The following PVT1 variants were observed in gnomAD, a reference collection of about 807,000 sequenced individuals.
PVT1 encodes the protein Pvt1 oncogene, also known as CXCR4/PVT1 fusion.
chr8:128,054,661 C>A (rs977187159), intron 4 of PVT1, among the ~76,000 whole-genome samples: 3 of 152,076 alleles, frequency 2.0e-5, no homozygotes, highest in Non-Finnish European at 4.4e-5. Context: ...GATTTGGGCA[C>A]TCCATGTTTA....
intron 6 of PVT1, among the ~76,000 whole-genome samples, chr8:128,099,024 T>C (rs185616553): frequency 4.6e-5 from 7 of 152,230 alleles, no homozygotes; most frequent in Admixed American, 1.3e-4. Flanking sequence ...CCTTACTACA[T>C]GTTCATTACT....
chr8:128,080,180 A>G (rs763082401), intron 5 of PVT1, among the ~76,000 whole-genome samples: 90 of 152,314 alleles, frequency 5.9e-4, no homozygotes, highest in Admixed American at 1.4e-3. Flanking sequence ...GCAATTATGC[A>G]TAAAGCTGCT....
chr8:127,883,032 CACTT>C (rs1351018710), intron 2 of PVT1, among the ~76,000 whole-genome samples: 1 of 149,622 alleles, frequency 6.7e-6, no homozygotes, highest in Non-Finnish European at 1.5e-5. Context: ...TGCACACACA[CACTT>C]GCACGCACAC....
Position 127,830,639 on chromosome 8 carries a change from G to A in PVT1, n.372+34568G>A, listed in dbSNP as rs952766513. Among the ~76,000 whole-genome samples, 6 of 152,204 alleles carry A rather than the reference G, an allele frequency of 3.9e-5. 1 individual carries two copies. The South Asian group carries it at 8.4e-4, about 21-fold the overall frequency. On this transcript the variant is annotated intron_variant and non_coding_transcript_variant, in intron 2 of 10. Coordinates refer to ENST00000651587, the Ensembl canonical transcript of PVT1. ...TTCATGCCTACTATAGTCCTAGCAC[G>A]TTGCGGGGCTGTGATGGTTAATACT...
At chr8:127,970,289 G>GT (rs68010926) in intron 3 of PVT1, among the ~76,000 whole-genome samples, 1,114 of 49,030 alleles carry the variant, frequency 0.023, 354 homozygotes, top group African/African-American at 0.033. Flanking sequence ...GCCATGATTT[G>GT]TTTTTTTTTT....
In PVT1 at chr8:128,046,744, C is replaced by G. The variant is rs151077287; in HGVS notation, n.913-23416C>G. Among the ~76,000 whole-genome samples, 307 of 152,344 alleles carry G rather than the reference C, an allele frequency of 2.0e-3. 3 individuals carry two copies. Among genetic ancestry groups the G allele is most frequent in the Non-Finnish European group, 3.6e-3 (247 of 68,028 alleles). On this transcript the variant is annotated intron_variant and non_coding_transcript_variant, in intron 4 of 10. Coordinates refer to ENST00000651587, the Ensembl canonical transcript of PVT1. The stretch of plus-strand genomic sequence containing the variant: ...ACCATCTGAAGGTCCTCTCCCTTTT[C>G]TCTGTCTTCTAAATGTTCACTCTTC...
chr8:127,957,566 C>CAAAAAAAAAAAA (rs56796489), intron 3 of PVT1, among the ~76,000 whole-genome samples: 2 of 91,782 alleles, frequency 2.2e-5, no homozygotes, highest in Non-Finnish European at 2.2e-5. Flanking sequence ...GACTCCGTCT[C>CAAAAAAAAAAAA]AAAAAAAAAA....
chr8:128,028,519 G>T (rs150093933), intron 4 of PVT1, among the ~76,000 whole-genome samples: 3 of 152,370 alleles, frequency 2.0e-5, no homozygotes, highest in African/African-American at 7.2e-5. Context: ...GGAGAGGCAG[G>T]ACTGGGCAAA....
chr8:127,979,644 G>A (rs1816861182), intron 3 of PVT1, among the ~76,000 whole-genome samples: 2 of 152,206 alleles, frequency 1.3e-5, no homozygotes, highest in African/African-American at 2.4e-5. Context: ...TGCCAGAGGA[G>A]CCTGGGAGCT....
chr8:127,868,233 A>G (rs866662170), intron 2 of PVT1, among the ~76,000 whole-genome samples: 1 of 152,132 alleles, frequency 6.6e-6, no homozygotes, highest in African/African-American at 2.4e-5. Flanking sequence ...TCTGAGCTAT[A>G]AGGCCTCAGG....
chr8:127,894,860 G>T (rs988566291), intron 3 of PVT1, among the ~76,000 whole-genome samples: 1 of 152,218 alleles, frequency 6.6e-6, no homozygotes, highest in African/African-American at 2.4e-5. Context: ...TTGAGTAGTA[G>T]CTCTGTGTCA....
At chr8:127,990,193 T>G (rs1817016954) in intron 4 of PVT1, among the ~76,000 whole-genome samples, 1 of 151,706 alleles carries the variant, frequency 6.6e-6, no homozygotes, top group South Asian at 2.1e-4. Context: ...CAAAGCAGAG[T>G]TGATTCCCCC....
intron 3 of PVT1, chr8:127,948,233 C>T: frequency 6.2e-6 from 2 of 322,750 alleles, no homozygotes; most frequent in Admixed American, 4.2e-5. Context: ...TGAAAAGCAG[C>T]TGCTGAGTGG....
At chr8:127,873,810 G>A (rs1815377304) in intron 2 of PVT1, among the ~76,000 whole-genome samples, 1 of 152,172 alleles carries the variant, frequency 6.6e-6, no homozygotes, top group Admixed American at 6.6e-5. Flanking sequence ...ATGATTCTGT[G>A]TTGTCCATTT....
At chr8:128,012,030 A>AT (rs1817320150) in intron 4 of PVT1, among the ~76,000 whole-genome samples, 1 of 152,218 alleles carries the variant, frequency 6.6e-6, no homozygotes, top group African/African-American at 2.4e-5. Context: ...GCTCACAGTG[A>AT]ATCATTACAA....
intron 4 of PVT1, among the ~76,000 whole-genome samples, chr8:128,041,032 G>T (rs201417452): frequency 1.3e-5 from 1 of 78,460 alleles, no homozygotes; most frequent in East Asian, 7.4e-4. Context: ...GTGCTCGTGT[G>T]TGTTGAGTGC....
intron 3 of PVT1, among the ~76,000 whole-genome samples, chr8:127,970,619 G>A (rs578121946): frequency 2.0e-5 from 3 of 151,960 alleles, no homozygotes; most frequent in African/African-American, 7.3e-5. Flanking sequence ...TTTACTAGCC[G>A]TCAATCTCCA....
chr8:128,008,684 G>C (rs1667633544), intron 4 of PVT1, among the ~76,000 whole-genome samples: 1 of 152,170 alleles, frequency 6.6e-6, no homozygotes. Flanking sequence ...GATTATAATG[G>C]TGGTGATGAT....
intron 5 of PVT1, among the ~76,000 whole-genome samples, chr8:128,081,885 G>T (rs1814185778): frequency 1.3e-5 from 2 of 152,124 alleles, no homozygotes; most frequent in African/African-American, 4.8e-5. Flanking sequence ...CCTGTATTTT[G>T]AGCCACCAGT....
Sources: gnomAD v4.1 joint callset for allele counts (sites outside exome capture counted in the v4.1 genomes callset) on GRCh38, gnomAD v4.1.1 for gene constraint, MANE v1.5 for transcripts, NCBI Gene and HGNC (gene_info 2026-07-23, HGNC 2026-07-21) for gene names.